Variants in CNIH3 observed in about 807,000 individuals in gnomAD.
CNIH3 encodes the protein protein cornichon homolog 3.
A neutral mutation model predicts 24.1 loss-of-function variants in CNIH3; 14 were observed. The observed-to-expected ratio is 0.58, with a 90% CI of 0.38 to 0.91. The LOEUF is 0.91. Ranked by LOEUF, CNIH3 falls within the 40% of genes least tolerant of loss-of-function variation. The probability of loss-of-function intolerance (pLI) is 0.00; values close to 1 mark genes in which losing one functional copy is unlikely to be tolerated. For missense variants in CNIH3, 178 were observed against 196.8 expected, an observed-to-expected ratio of 0.90 and a Z score of 0.57; for synonymous variants, 68 against 73.8, an observed-to-expected ratio of 0.92 and a Z score of 0.40.
At chr1:224,554,582 TTTG>T (rs1192915520) in intron 3 of CNIH3, among the ~76,000 whole-genome samples, 4 of 152,030 alleles carry the variant, frequency 2.6e-5, no homozygotes, top group African/African-American at 7.2e-5. Flanking sequence ...AGGTTTTTTT[TTTG>T]TTGTTGTTGT....
intron 3 of CNIH3, among the ~76,000 whole-genome samples, chr1:224,729,853 C>T (rs1018001135): frequency 1.3e-5 from 2 of 152,142 alleles, no homozygotes; most frequent in African/African-American, 4.8e-5. Flanking sequence ...TTTCTTCCCT[C>T]TTCCCCCAGA....
At chr1:224,553,393 G>C (rs1451120185) in intron 3 of CNIH3, among the ~76,000 whole-genome samples, 1 of 152,052 alleles carries the variant, frequency 6.6e-6, no homozygotes, top group Non-Finnish European at 1.5e-5. Flanking sequence ...TACTTCGCTT[G>C]AAAGATGCAG....
intron 1 of CNIH3, among the ~76,000 whole-genome samples, chr1:224,672,742 T>C (rs1044675645): frequency 6.6e-6 from 1 of 152,214 alleles, no homozygotes; most frequent in Non-Finnish European, 1.5e-5. Flanking sequence ...CAGGTAGATA[T>C]GAATTTTGGA....
At position 224,616,853 on chromosome 1, in the gene CNIH3, G is replaced by GTC; in HGVS notation, c.-322_-321insTC. 1.7e-6 allele frequency: 2 copies of GTC among 1,174,940 alleles called. No homozygotes were observed. The highest frequency in any genetic ancestry group is 3.1e-5 in the South Asian group (1 of 32,490). 72.8% of individuals were successfully genotyped at this position (1,174,940 alleles called of 1,614,324 possible). A position where few individuals can be genotyped will look rare whatever the true frequency, so the allele number is the denominator to read the frequency against. On this transcript the variant is annotated 5_prime_UTR_variant, in exon 1 of 6. It introduces an in-frame stop codon into an upstream open reading frame of the 5' UTR. Transcript: ENST00000272133. ...ATCGCTTGTCGTGTTGGTCTCGAGG[G>GTC]GCTCACAGCTTGGCACTAATTTGCA...
chr1:224,643,269 A>C (rs76744942), intron 1 of CNIH3, among the ~76,000 whole-genome samples: 2,158 of 152,332 alleles, frequency 0.014, 24 homozygotes, highest in Non-Finnish European at 0.025. Context: ...TAGAGAAAAC[A>C]AATGTAGAAT....
intron 3 of CNIH3, among the ~76,000 whole-genome samples, chr1:224,720,494 G>T (rs5010414): frequency 0.68 from 102,472 of 151,254 alleles, 35,291 homozygotes; most frequent in East Asian, 0.96. Context: ...AACCCTCTTT[G>T]TTAAGCAGAG....
chr1:224,682,803 T>C (rs544062966), intron 2 of CNIH3, among the ~76,000 whole-genome samples: 2 of 152,318 alleles, frequency 1.3e-5, no homozygotes, highest in South Asian at 4.1e-4. Context: ...TTTCCTTCCT[T>C]CTAATTGTTT....
intron 3 of CNIH3, among the ~76,000 whole-genome samples, chr1:224,557,974 C>T (rs1478509106): frequency 3.9e-5 from 6 of 152,194 alleles, no homozygotes; most frequent in East Asian, 3.9e-4. Flanking sequence ...TTGACTTGTT[C>T]GTGGTCTCAC....
intron 4 of CNIH3, chr1:224,574,726 T>A (rs988269529): frequency 2.5e-6 from 3 of 1,195,026 alleles, no homozygotes; most frequent in African/African-American, 1.5e-5. Flanking sequence ...AAGATGCTCA[T>A]TGACCTGAAG....
chr1:224,491,706 A>G (rs908400413), intron 1 of CNIH3, among the ~76,000 whole-genome samples: 6 of 152,028 alleles, frequency 3.9e-5, no homozygotes, highest in Admixed American at 2.0e-4. Context: ...CCCGGGTTCA[A>G]GCAATTCTCC....
intron 1 of CNIH3, among the ~76,000 whole-genome samples, chr1:224,637,951 A>G (rs1298502714): frequency 6.6e-6 from 1 of 152,248 alleles, no homozygotes; most frequent in Non-Finnish European, 1.5e-5. Flanking sequence ...TGTGGCTTCA[A>G]TGCTTTTAAA....
intron 1 of CNIH3, among the ~76,000 whole-genome samples, chr1:224,504,477 C>T (rs1010393819): frequency 1.3e-5 from 2 of 152,104 alleles, no homozygotes; most frequent in African/African-American, 2.4e-5. Context: ...TAAGAAAGTT[C>T]CCCTTTCCTC....
chr1:224,593,076 T>A (rs1255921563), downstream of CNIH3, among the ~76,000 whole-genome samples: 2 of 152,002 alleles, frequency 1.3e-5, no homozygotes, highest in African/African-American at 4.8e-5. Flanking sequence ...CTCTCTGAAA[T>A]GGTCACTTCT....
At chr1:224,579,073 T>C (rs1446426991) in intron 4 of CNIH3, among the ~76,000 whole-genome samples, 8 of 151,976 alleles carry the variant, frequency 5.3e-5, no homozygotes, top group African/African-American at 1.9e-4. Flanking sequence ...TTTTCTTTTT[T>C]TTTTTTTCTT....
intron 2 of CNIH3, among the ~76,000 whole-genome samples, chr1:224,543,297 T>G (rs190245989): frequency 6.6e-5 from 10 of 152,278 alleles, no homozygotes; most frequent in South Asian, 2.1e-4. Context: ...TCCTTCTGGA[T>G]CTTGCCCTGT....
intron 1 of CNIH3, among the ~76,000 whole-genome samples, chr1:224,456,559 T>C (rs1012968034): frequency 6.6e-6 from 1 of 152,136 alleles, no homozygotes; most frequent in Admixed American, 6.5e-5. Context: ...AATAAGTGCG[T>C]GCCACCACAC....
intron 1 of CNIH3, among the ~76,000 whole-genome samples, chr1:224,646,227 T>G (rs1684600715): frequency 6.6e-6 from 1 of 152,156 alleles, no homozygotes; most frequent in South Asian, 2.1e-4. Flanking sequence ...CCTAACAGCA[T>G]TTTGACAGAT....
At chr1:224,727,744 A>G (rs1337828210) in intron 3 of CNIH3, among the ~76,000 whole-genome samples, 1 of 152,174 alleles carries the variant, frequency 6.6e-6, no homozygotes, top group African/African-American at 2.4e-5. Flanking sequence ...GGCAAGGATC[A>G]GTGTGTGTAT....
chr1:224,491,324 G>C (rs1427962374), intron 1 of CNIH3, among the ~76,000 whole-genome samples: 1 of 152,152 alleles, frequency 6.6e-6, no homozygotes, highest in Non-Finnish European at 1.5e-5. Context: ...CACAGAATAA[G>C]TTCCAGGGCA....
Sources: gnomAD v4.1 joint callset for allele counts (sites outside exome capture counted in the v4.1 genomes callset) on GRCh38, gnomAD v4.1.1 for gene constraint, MANE v1.5 for transcripts, NCBI Gene and HGNC (gene_info 2026-07-23, HGNC 2026-07-21) for gene names.